The following ADAM12 variants were observed in gnomAD, a reference collection of about 807,000 sequenced individuals.
ADAM12 encodes ADAM metallopeptidase domain 12, also known as disintegrin and metalloproteinase domain-containing protein 12.
A neutral mutation model predicts 106.4 loss-of-function variants in ADAM12; 70 were observed. The observed-to-expected ratio is 0.66, with a 90% confidence interval of 0.54 to 0.80. ADAM12 has a LOEUF of 0.80. Ranked by LOEUF, ADAM12 falls within the 30% of genes least tolerant of loss-of-function variation. The probability of loss-of-function intolerance (pLI) is 0.00; values close to 1 mark genes in which losing one functional copy is unlikely to be tolerated. For missense variants in ADAM12, 1,010 were observed against 1,171.9 expected, an observed-to-expected ratio of 0.86 and a Z score of 2.02; for synonymous variants, 420 against 433.5, an observed-to-expected ratio of 0.97 and a Z score of 0.39.
Position 126,373,540 on chromosome 10 carries a change from C to T in ADAM12, c.88+14518G>A, listed in dbSNP as rs756145886. On this transcript the variant is annotated intron_variant, in intron 1 of 22. Transcript: ENST00000448723. ...TTTCTGTACATTTTTATGATCCACT[C>T]GCTCTAGAGGCCATGAAATGAGGGT... 2.0e-5 allele frequency among the ~76,000 whole-genome samples: 3 copies of T among 152,188 alleles called. No homozygotes were observed. In the East Asian group the frequency reaches 5.8e-4, roughly 29 times the overall value.
At position 126,261,174 on chromosome 10, in the gene ADAM12, C is replaced by G. The variant is rs548007514; in HGVS notation, c.260+17741G>C. Among the ~76,000 whole-genome samples the G allele has an allele frequency of 2.0e-5, 3 of 152,072 alleles. No individual in the cohort carries two copies. In the East Asian group the frequency reaches 5.8e-4, roughly 29 times the overall value. ...CATGAGCATATTTGAATTTTGGTACCCATGAGGGGTTCTGGAGCTAATCTC... is the reference window on the plus strand; with the variant it reads ...CATGAGCATATTTGAATTTTGGTACGCATGAGGGGTTCTGGAGCTAATCTC... On this transcript the variant is annotated intron_variant, in intron 3 of 22. Coordinates refer to ENST00000448723, the MANE Select transcript of ADAM12 (RefSeq NM_001288973.2).
rs575860855 is a variant in ADAM12 at position 126,047,691 on chromosome 10, T to C, written c.1918-1559A>G. ...AGAAAAAGGAACACTTATATACTGCTGGTGGAGTGTAAATTAGTTCAACCA... is the reference window on the plus strand; with the variant it reads ...AGAAAAAGGAACACTTATATACTGCCGGTGGAGTGTAAATTAGTTCAACCA... On this transcript the variant is annotated intron_variant, in intron 16 of 22. Transcript: ENST00000448723. 8.5e-5 allele frequency among the ~76,000 whole-genome samples: 13 copies of C among 152,320 alleles called. 1 individual carries two copies. In the South Asian group the frequency reaches 2.7e-3, roughly 32 times the overall value.
Sources: allele counts gnomAD v4.1 joint callset (sites outside exome capture counted in the v4.1 genomes callset), GRCh38; gene constraint gnomAD v4.1.1; transcripts MANE v1.5; gene names NCBI Gene and HGNC (gene_info 2026-07-23, HGNC 2026-07-21).